ZMYM3: variants seen among roughly 807,000 people sequenced by gnomAD.
ZMYM3 encodes zinc finger MYM-type protein 3.
In ZMYM3, 6 loss-of-function variants were observed where a neutral mutation model predicts 94.2. The observed-to-expected ratio is 0.06, with a 90% CI of 0.03 to 0.13. The LOEUF (loss-of-function observed/expected upper bound fraction) is 0.13. Ranked by LOEUF, ZMYM3 falls within the 10% of genes least tolerant of loss-of-function variation. The pLI, the probability that ZMYM3 is intolerant of heterozygous loss-of-function variation, is 1.00. For synonymous variants in ZMYM3, 420 were observed against 426.5 expected, an observed-to-expected ratio of 0.98 and a Z score of 0.19; for missense variants, 664 against 1,132.6, an observed-to-expected ratio of 0.59 and a Z score of 5.94.
At chrX:71,243,539 G>A (rs1357334338) in intron 21 of ZMYM3, 1 of 337,952 alleles carries the variant, frequency 3.0e-6, no homozygotes, top group East Asian at 5.0e-5. Context: ...TGGAGTAGGA[G>A]ATTAAAGGCA....
At chrX:71,245,144 A>G (rs1328963691) in intron 18 of ZMYM3, among the ~76,000 whole-genome samples, 195 bp downstream of exon 18, 1 of 107,203 alleles carries the variant, frequency 9.3e-6, no homozygotes, top group Admixed American at 1.0e-4. Flanking sequence ...AAAAAAAAAA[A>G]AAAAAAAGCA....
intron 22 of ZMYM3, among the ~76,000 whole-genome samples, chrX:71,242,636 C>T (rs1436706026): frequency 8.9e-6 from 1 of 112,247 alleles, no homozygotes; most frequent in African/African-American, 3.2e-5. Context: ...GCATTTGGAA[C>T]GCCTCTCACC....
intron 9 of ZMYM3, 29 bp downstream of exon 9, chrX:71,248,657 T>G (rs1296504825): frequency 8.5e-7 from 1 of 1,173,057 alleles, no homozygotes; most frequent in Non-Finnish European, 1.1e-6. Context: ...TGCCAAACCC[T>G]TCTATCCCTG....
chrX:71,241,111 G>A lies in ZMYM3; in HGVS notation c.3921-3C>T, dbSNP rs368103918. 2 of 1,204,636 alleles carry A rather than the reference G, an allele frequency of 1.7e-6. No individual in the cohort carries two copies. Among genetic ancestry groups the A allele is most frequent in the Non-Finnish European group, 2.2e-6 (2 of 890,888 alleles). On this transcript the variant is annotated splice_polypyrimidine_tract_variant and splice_region_variant and intron_variant, in intron 24 of 24. Coordinates refer to ENST00000314425, the MANE Select transcript of ZMYM3 (RefSeq NM_201599.3). ...TGCGAGTCCGGAGGCTTTCAGGACT[G>A]CAACATCGGGGGTGGGAGTGGGAGT...
At position 71,243,999 on chromosome X, in the gene ZMYM3, C is replaced by A; in HGVS notation, c.3281-19G>T. 8.3e-7 allele frequency: 1 copy of A among 1,208,609 alleles called. No individual in the cohort carries two copies. Among genetic ancestry groups the A allele is most frequent in the Non-Finnish European group, 1.1e-6 (1 of 893,597 alleles). ...GGTTTGGCTGCAGTGATATGTTGTGCAGGGACAGGATTAAGAAAAACTCTA... is the reference window on the plus strand; with the variant it reads ...GGTTTGGCTGCAGTGATATGTTGTGAAGGGACAGGATTAAGAAAAACTCTA... On this transcript the variant is annotated intron_variant, in intron 20 of 24. Transcript: ENST00000314425.
intron 17 of ZMYM3, 22 bp downstream of exon 17, chrX:71,245,646 G>A (rs768691840): frequency 2.2e-5 from 27 of 1,201,470 alleles, no homozygotes; most frequent in East Asian, 3.0e-5. Context: ...TGTCTCCCTC[G>A]TCGCCACCAT....
rs776046778 is a variant in ZMYM3 at position 71,253,040 on chromosome X, G to T, written c.216C>A (p.Val72=). The T allele has an allele frequency of 1.0e-5, 12 of 1,200,817 alleles. No homozygotes were observed. Among genetic ancestry groups the T allele is most frequent in the Middle Eastern group, 2.3e-4 (1 of 4,322 alleles). Residue 72 remains valine (V), a synonymous_variant, in exon 2 of 25, where the codon GTC becomes GTA. Coordinates refer to ENST00000314425, the MANE Select transcript of ZMYM3 (RefSeq NM_201599.3). ...CCAGCAACTCAGTGGCTCCATCCAG[G>T]ACTCCAGGGTCTTTTTCCAGGCCAG... is the stretch of plus-strand genomic sequence containing the variant. ...TPAGLEKDPG[V]LDGATELLGL... is the part of the protein sequence containing the mutation.
chrX:71,247,700 T>C (rs2030246646), intron 12 of ZMYM3, 34 bp downstream of exon 12: 2 of 1,195,167 alleles, frequency 1.7e-6, no homozygotes, highest in Admixed American at 4.4e-5. Flanking sequence ...CACTGCCCTC[T>C]TTCCCGCCTC....
At chrX:71,254,981 A>ACTCT (rs1342509224), upstream of ZMYM3, 1 of 106,321 alleles carries the variant, frequency 9.4e-6, no homozygotes, top group African/African-American at 3.5e-5. Flanking sequence ...GCTACCCCCT[A>ACTCT]CTCTCTCAAC....
intron 2 of ZMYM3, among the ~76,000 whole-genome samples, chrX:71,252,129 C>T (rs1269575055): frequency 4.5e-5 from 5 of 110,980 alleles, no homozygotes; most frequent in East Asian, 2.8e-4. Flanking sequence ...GCATTTCTAT[C>T]GCTCTGCTGA....
chrX:71,255,083 GATCTCTCT>G (rs2030689070), upstream of ZMYM3: 1 of 56,524 alleles, frequency 1.8e-5, no homozygotes. Flanking sequence ...CACCAGGGCT[GATCTCTCT>G]CTCTCTCTCT....
Position 71,244,265 on chromosome X carries a change from C to A in ZMYM3, c.3280+37G>T, listed in dbSNP as rs760392932. On this transcript the variant is annotated intron_variant, in intron 20 of 24. Transcript: ENST00000314425. ...TCCCCTTTCCCCTCCTCCTCCCTGT[C>A]CCTGCCTCCCCACACCCCCCATCCC... 1.4e-4 allele frequency: 160 copies of A among 1,123,165 alleles called. No individual in the cohort carries two copies. In the South Asian group the frequency reaches 2.8e-3, roughly 20 times the overall value. 92.6% of individuals were successfully genotyped at this position (1,123,165 alleles called of 1,213,427 possible). A position where few individuals can be genotyped will look rare whatever the true frequency, so the allele number is the denominator to read the frequency against.
At chrX:71,251,675 T>TC in intron 2 of ZMYM3, 74 bp from the exon 3 acceptor site, 1 of 1,095,374 alleles carries the variant, frequency 9.1e-7, no homozygotes, top group Non-Finnish European at 1.2e-6. Flanking sequence ...AACCCCCGCC[T>TC]CCATTCCTGG....
chrX:71,251,988 G>A, intron 2 of ZMYM3: 6 of 452,480 alleles, frequency 1.3e-5, no homozygotes, highest in Non-Finnish European at 1.6e-5. Context: ...CCTGGATTCA[G>A]GTGGTTATAT....
chrX:71,253,731 C>T (rs1420342424), intron 1 of ZMYM3, among the ~76,000 whole-genome samples: 3 of 60,478 alleles, frequency 5.0e-5, no homozygotes, highest in Admixed American at 1.7e-4. Context: ...TGTCTGGCCC[C>T]ACCCCCCCTC....
rs766607172 is a variant in ZMYM3, at chrX:71,247,196, G to T, written c.2314+149C>A. The T allele has an allele frequency of 2.7e-4, 137 of 507,550 alleles. 2 individuals carry two copies. Among genetic ancestry groups the T allele is most frequent in the Middle Eastern group, 1.1e-3 (2 of 1,788 alleles). 41.8% of individuals were successfully genotyped at this position (507,550 alleles called of 1,213,427 possible). A position where few individuals can be genotyped will look rare whatever the true frequency, so the allele number is the denominator to read the frequency against. On this transcript the variant is annotated intron_variant, in intron 13 of 24. Coordinates refer to ENST00000314425, the MANE Select transcript of ZMYM3 (RefSeq NM_201599.3). ...GACTCCCCCGGTACCTGCAGGGTTCGGAAGCTAAAAGAGAATACAGTTCAC... is the reference window on the plus strand; with the variant it reads ...GACTCCCCCGGTACCTGCAGGGTTCTGAAGCTAAAAGAGAATACAGTTCAC...
chrX:71,241,305 G>A lies in ZMYM3; in HGVS notation c.3842C>T (p.Pro1281Leu). The change falls in exon 24 of 25, where the codon CCT (proline) becomes CTT (leucine). Residue 1281 changes from proline to leucine, a missense_variant. Coordinates refer to ENST00000314425, the MANE Select transcript of ZMYM3 (RefSeq NM_201599.3). ...GCGGTTCTCACGCTGCTCTAAGATA[G>A]GGGCTTCATCTTCTCTCTTCCGTTT... ...PGKRKREDEA[P>L]ILEQRENRMN... The A allele has an allele frequency of 8.3e-7, 1 of 1,207,089 alleles. No homozygotes were observed. The highest frequency in any genetic ancestry group is 1.8e-5 in the South Asian group (1 of 56,148).
upstream of ZMYM3, chrX:71,254,474 C>G: frequency 8.9e-6 from 1 of 111,918 alleles, no homozygotes; most frequent in South Asian, 3.8e-4. Context: ...GCACCTGCTC[C>G]CCTTACCTGG....
Position 71,246,087 on chromosome X carries a change from G to C in ZMYM3, c.2584C>G (p.Pro862Ala). 3.3e-6 allele frequency: 4 copies of C among 1,209,695 alleles called. No homozygotes were observed. Among genetic ancestry groups the C allele is most frequent in the Middle Eastern group, 2.3e-4 (1 of 4,345 alleles). The change falls in exon 16 of 25, where the codon CCA becomes GCA. Residue 862 changes from proline (P) to alanine (A), a missense_variant. By Grantham distance (27) the Pro-to-Ala change is conservative (BLOSUM62 -1). Around this residue, in one of 9 missense-constraint regions of ZMYM3, gnomAD observed 4 missense variants for 42.2 expected, o/e 0.09. Transcript: ENST00000314425. ...SKGSQTEEWK[P>A]QVIVLPIPVP... The stretch of plus-strand genomic sequence containing the variant: ...GGGATGGGCAGCACGATCACCTGTG[G>C]CTTCCACTCTTCTGTGGATAAGAAA...
Sources: allele counts gnomAD v4.1 joint callset (sites outside exome capture counted in the v4.1 genomes callset), GRCh38; gene constraint gnomAD v4.1.1; regional missense constraint gnomAD v4.1.1; transcripts MANE v1.5; gene names NCBI Gene and HGNC (gene_info 2026-07-23, HGNC 2026-07-21).